EFCAB7: variants seen among roughly 807,000 people sequenced by gnomAD.
EFCAB7 encodes EF-hand calcium binding domain 7, also known as EF-hand calcium-binding domain-containing protein 7.
Under a neutral mutation model 77.1 loss-of-function variants are expected in EFCAB7, and 66 were observed. The ratio of observed to expected loss-of-function variants is 0.86; its 90% CI spans 0.70 to 1.05. The LOEUF is 1.05. Ranked by LOEUF, EFCAB7 falls within the 50% of genes least tolerant of loss-of-function variation. EFCAB7 has a pLI of 0.00. For synonymous variants in EFCAB7, 225 were observed against 243.3 expected, an observed-to-expected ratio of 0.92 and a Z score of 0.70; for missense variants, 638 against 730.5, an observed-to-expected ratio of 0.87 and a Z score of 1.46.
At chr1:63,534,440 A>G in intron 6 of EFCAB7, 1 of 343,848 alleles carries the variant, frequency 2.9e-6, no homozygotes, top group Non-Finnish European at 5.2e-6. Context: ...AAGTTTTATA[A>G]CCTGATGAGT....
At chr1:63,538,842 A>G (rs908401308) in intron 6 of EFCAB7, among the ~76,000 whole-genome samples, 42 of 152,228 alleles carry the variant, frequency 2.8e-4, no homozygotes, top group African/African-American at 8.4e-4. Flanking sequence ...AGTAGGAGCT[A>G]TAAGTTCTCC....
chr1:63,562,449 T>TATATATA (rs1647115778), intron 11 of EFCAB7, among the ~76,000 whole-genome samples: 8 of 22,466 alleles, frequency 3.6e-4, no homozygotes, highest in African/African-American at 1.1e-3. Flanking sequence ...CTTAATTTAT[T>TATATATA]TATATATATA....
At position 63,531,034 on chromosome 1, in the gene EFCAB7, T is replaced by C. The variant is rs143427640; in HGVS notation, c.188-786T>C. Among the ~76,000 whole-genome samples the C allele has an allele frequency of 2.5e-3, 373 of 152,238 alleles. 1 individual carries two copies. Among genetic ancestry groups the C allele is most frequent in the Non-Finnish European group, 3.7e-3 (253 of 68,000 alleles). On this transcript the variant is annotated intron_variant, in intron 2 of 13. Transcript: ENST00000371088. The stretch of plus-strand genomic sequence containing the variant: ...TTCAAAAGCCTCTCTTCTAGCTGTT[T>C]TGTAATATACAGTACCTTAATGCTA...
At chr1:63,576,879 G>C (rs184662637), downstream of EFCAB7, among the ~76,000 whole-genome samples, 8 of 151,694 alleles carry the variant, frequency 5.3e-5, no homozygotes, top group East Asian at 1.6e-3. Flanking sequence ...GCCGGGTGCT[G>C]TGTCTCATGC....
Position 63,551,851 on chromosome 1 carries a change from T to A in EFCAB7, c.1056+17T>A. 3 of 1,469,130 alleles carry A rather than the reference T, an allele frequency of 2.0e-6. No homozygotes were observed. The highest frequency in any genetic ancestry group is 2.8e-6 in the Non-Finnish European group (3 of 1,090,330). The allele number at this position is 1,469,130 out of a possible 1,614,324, so 91.0% of individuals were successfully genotyped here. On this transcript the variant is annotated intron_variant, in intron 8 of 13. Transcript: ENST00000371088. ...AATAGAGAAGTATACATATTTATTT[T>A]CTAATGTTTAATTTTTAAATATAGT...
chr1:63,533,285 G>A (rs1646722417), intron 4 of EFCAB7, among the ~76,000 whole-genome samples, 169 bp from the exon 5 acceptor site: 1 of 152,082 alleles, frequency 6.6e-6, no homozygotes, highest in South Asian at 2.1e-4. Flanking sequence ...ATTTCACTAG[G>A]TCACTTGAGG....
chr1:63,551,955 C>T, intron 8 of EFCAB7, 121 bp downstream of exon 8: 1 of 378,862 alleles, frequency 2.6e-6, no homozygotes, highest in Non-Finnish European at 4.6e-6. Flanking sequence ...AAGGTATAAA[C>T]AGCACTTAAA....
chr1:63,558,248 AT>A (rs1647053918), intron 10 of EFCAB7, among the ~76,000 whole-genome samples: 1 of 152,194 alleles, frequency 6.6e-6, no homozygotes, highest in East Asian at 1.9e-4. Flanking sequence ...AGAACATTCC[AT>A]AAGAGTGAAT....
intron 12 of EFCAB7, 117 bp downstream of exon 12, chr1:63,568,636 T>G: frequency 2.9e-6 from 2 of 699,594 alleles, no homozygotes; most frequent in Non-Finnish European, 4.4e-6. Flanking sequence ...TAATAATGTT[T>G]ATAATGCATA....
intron 4 of EFCAB7, 48 bp from the exon 5 acceptor site, chr1:63,533,406 C>T: frequency 7.1e-7 from 1 of 1,398,760 alleles, no homozygotes; most frequent in Non-Finnish European, 9.9e-7. Context: ...TCCTCTTCCC[C>T]AGTGTATGAT....
intron 2 of EFCAB7, among the ~76,000 whole-genome samples, chr1:63,528,164 G>T (rs1303792927): frequency 6.6e-6 from 1 of 152,036 alleles, no homozygotes; most frequent in African/African-American, 2.4e-5. Flanking sequence ...CCCAAATTTG[G>T]AAGCAACGTA....
At chr1:63,557,389 T>C (rs1647045282) in intron 10 of EFCAB7, 142 bp downstream of exon 10, 1 of 727,970 alleles carries the variant, frequency 1.4e-6, no homozygotes, top group Non-Finnish European at 2.0e-6. Flanking sequence ...TGTTTGTAGA[T>C]CATAAAAACT....
At chr1:63,562,343 A>G (rs1237932411) in intron 11 of EFCAB7, among the ~76,000 whole-genome samples, 5 of 150,500 alleles carry the variant, frequency 3.3e-5, no homozygotes, top group African/African-American at 1.2e-4. Flanking sequence ...TGTATCAGCT[A>G]TTATCATCAT....
chr1:63,552,373 C>A (rs1297617937), intron 8 of EFCAB7, among the ~76,000 whole-genome samples: 1 of 152,096 alleles, frequency 6.6e-6, no homozygotes, highest in East Asian at 1.9e-4. Context: ...TTGATATACT[C>A]AATAAAAAAG....
chr1:63,539,219 T>C (rs1273066749), intron 6 of EFCAB7, among the ~76,000 whole-genome samples: 1 of 152,180 alleles, frequency 6.6e-6, no homozygotes, highest in African/African-American at 2.4e-5. Context: ...TGGCACAAAT[T>C]ATGTTTACTA....
intron 12 of EFCAB7, chr1:63,569,062 C>A (rs6692053): frequency 1.8e-4 from 28 of 151,988 alleles, no homozygotes; most frequent in African/African-American, 6.8e-4. Context: ...CAAGAGAATA[C>A]GAGCATAAAT....
Position 63,533,578 on chromosome 1 carries a change from A to T in EFCAB7, c.611A>T (p.Asp204Val), listed in dbSNP as rs753551767. The part of the protein sequence containing the change: ...GNHIEGSPER[D>V]PSPVPKPSPK... ...CACATCGAAGGGTCCCCTGAAAGGG[A>T]CCCATCACCAGTACCAAAACCATCA... Residue 204 changes from aspartate to valine, a missense_variant, in exon 5 of 14, where the codon GAC becomes GTC. Coordinates refer to ENST00000371088, the MANE Select transcript of EFCAB7 (RefSeq NM_032437.4). 79 of 1,610,470 alleles carry T rather than the reference A, an allele frequency of 4.9e-5. No homozygotes were observed. Among genetic ancestry groups the T allele is most frequent in the Non-Finnish European group, 6.2e-5 (73 of 1,179,016 alleles).
At chr1:63,553,468 T>C (rs1646990847) in intron 8 of EFCAB7, among the ~76,000 whole-genome samples, 1 of 152,144 alleles carries the variant, frequency 6.6e-6, no homozygotes, top group Non-Finnish European at 1.5e-5. Context: ...GCCTCTCAAG[T>C]AGCTGGGACT....
At chr1:63,552,944 G>A (rs2100906730) in intron 8 of EFCAB7, among the ~76,000 whole-genome samples, 1 of 152,232 alleles carries the variant, frequency 6.6e-6, no homozygotes, top group Non-Finnish European at 1.5e-5. Flanking sequence ...AACAGTAGCT[G>A]TTTCCACTTT....
Sources: gnomAD v4.1 joint callset for allele counts (sites outside exome capture counted in the v4.1 genomes callset) on GRCh38, gnomAD v4.1.1 for gene constraint, MANE v1.5 for transcripts, NCBI Gene and HGNC (gene_info 2026-07-23, HGNC 2026-07-21) for gene names.